The following TRIM44 variants were observed in gnomAD, a reference collection of about 807,000 sequenced individuals.
TRIM44 encodes tripartite motif-containing protein 44.
A neutral mutation model predicts 37.4 loss-of-function variants in TRIM44; 13 were observed. The ratio of observed to expected loss-of-function variants is 0.35; its 90% confidence interval spans 0.23 to 0.55. The LOEUF is 0.55. Ranked by LOEUF, TRIM44 falls within the 20% of genes least tolerant of loss-of-function variation. TRIM44 has a pLI of 0.89. For missense variants in TRIM44, 426 were observed against 437.2 expected (o/e 0.97, Z 0.23); for synonymous variants, 175 against 157.2 (o/e 1.11, Z -0.85).
intron 4 of TRIM44, among the ~76,000 whole-genome samples, chr11:35,748,370 A>G (rs911983794): frequency 1.3e-5 from 2 of 152,338 alleles, no homozygotes; most frequent in East Asian, 3.9e-4. Flanking sequence ...CATCATAGCT[A>G]TTAGTCCATC....
At position 35,806,362 on chromosome 11, in the gene TRIM44, G is replaced by T. The variant is rs374372663; in HGVS notation, c.1012G>T (p.Ala338Ser). ...GGTTCTCCTTTTCCTTTGTAGTGGT[G>T]CCAGTGAAGAAGAGGACACATGAAG... ...AEGDEEGPSGASEEEDT is the reference protein window; with the variant it reads ...AEGDEEGPSGSSEEEDT The change falls in exon 5 of 5, where the codon GCC becomes TCC. Residue 338 changes from alanine (A) to serine (S), a missense_variant. Physicochemically the swap from Ala to Ser is moderately conservative, Grantham distance 99. Coordinates refer to ENST00000299413, the MANE Select transcript of TRIM44 (RefSeq NM_017583.6). 8.1e-6 allele frequency: 13 copies of T among 1,613,522 alleles called. No homozygotes were observed. Among genetic ancestry groups the T allele is most frequent in the African/African-American group, 1.3e-5 (1 of 74,878 alleles).
At chr11:35,727,361 T>A (rs993942188) in intron 3 of TRIM44, among the ~76,000 whole-genome samples, 2 of 152,138 alleles carry the variant, frequency 1.3e-5, no homozygotes, top group South Asian at 4.1e-4. Flanking sequence ...CTGGACGTCC[T>A]GCCTTGGCTT....
intron 4 of TRIM44, among the ~76,000 whole-genome samples, chr11:35,754,954 G>A (rs915227631): frequency 3.9e-5 from 6 of 152,112 alleles, no homozygotes; most frequent in Admixed American, 3.3e-4. Context: ...GAATAGTGCT[G>A]CAATAAACAT....
intron 2 of TRIM44, among the ~76,000 whole-genome samples, chr11:35,700,633 C>T (rs1851775446): frequency 6.6e-6 from 1 of 152,144 alleles, no homozygotes; most frequent in Non-Finnish European, 1.5e-5. Flanking sequence ...CCTAAACATC[C>T]CTCTCTTTAA....
intron 2 of TRIM44, among the ~76,000 whole-genome samples, chr11:35,689,917 GCTTTT>G (rs1851621714): frequency 1.3e-5 from 2 of 152,150 alleles, no homozygotes; most frequent in Admixed American, 1.3e-4. Flanking sequence ...TGTATTGATT[GCTTTT>G]CTTTCCCTCT....
chr11:35,779,308 G>C (rs1041523996), intron 4 of TRIM44, among the ~76,000 whole-genome samples: 1 of 152,190 alleles, frequency 6.6e-6, no homozygotes, highest in Non-Finnish European at 1.5e-5. Context: ...CGCAGTATTA[G>C]GGTGCAAGTG....
chr11:35,760,615 T>A (rs1361914049), intron 4 of TRIM44, among the ~76,000 whole-genome samples: 1 of 152,210 alleles, frequency 6.6e-6, no homozygotes, highest in Non-Finnish European at 1.5e-5. Flanking sequence ...CTGGAACTGT[T>A]CCTATTCGGC....
chr11:35,727,347 T>G (rs1407154490), intron 3 of TRIM44, among the ~76,000 whole-genome samples: 1 of 152,142 alleles, frequency 6.6e-6, no homozygotes, highest in Non-Finnish European at 1.5e-5. Context: ...AAGTCCATCC[T>G]TAACTGGACG....
intron 2 of TRIM44, among the ~76,000 whole-genome samples, chr11:35,696,424 G>C (rs148901404): frequency 0.014 from 2,072 of 151,582 alleles, 114 homozygotes; most frequent in East Asian, 0.14. Context: ...ATACAGGCGT[G>C]AGCCGCCGCA....
chr11:35,717,371 A>G (rs1190270526), intron 2 of TRIM44, among the ~76,000 whole-genome samples: 1 of 152,124 alleles, frequency 6.6e-6, no homozygotes, highest in Non-Finnish European at 1.5e-5. Flanking sequence ...AAAAAAGGGT[A>G]GCAAGTGTTT....
intron 4 of TRIM44, among the ~76,000 whole-genome samples, chr11:35,761,142 A>AC (rs1852719712): frequency 2.0e-5 from 3 of 152,170 alleles, no homozygotes; most frequent in Non-Finnish European, 4.4e-5. Flanking sequence ...TTTTATGGCC[A>AC]ACTAGTATTC....
intron 4 of TRIM44, among the ~76,000 whole-genome samples, chr11:35,802,346 T>C (rs1853382211): frequency 6.6e-6 from 1 of 152,194 alleles, no homozygotes; most frequent in African/African-American, 2.4e-5. Context: ...ATAGGACTCC[T>C]CTAAGGGAGA....
intron 4 of TRIM44, among the ~76,000 whole-genome samples, chr11:35,763,033 C>T (rs1420161545): frequency 6.6e-6 from 1 of 152,110 alleles, no homozygotes; most frequent in African/African-American, 2.4e-5. Context: ...ATCTCAGTGG[C>T]AATAACGACA....
chr11:35,714,360 A>C (rs1435109264), intron 2 of TRIM44, among the ~76,000 whole-genome samples: 1 of 152,296 alleles, frequency 6.6e-6, no homozygotes, highest in East Asian at 1.9e-4. Flanking sequence ...TTTTACAAAG[A>C]AACTTTTTAT....
intron 2 of TRIM44, among the ~76,000 whole-genome samples, chr11:35,687,034 C>T (rs1425987328): frequency 6.6e-6 from 1 of 152,150 alleles, no homozygotes; most frequent in Non-Finnish European, 1.5e-5. Context: ...GATAAGAACA[C>T]TGAGGTTTAG....
chr11:35,722,929 C>T (rs1047671622), intron 2 of TRIM44, among the ~76,000 whole-genome samples: 3 of 152,100 alleles, frequency 2.0e-5, no homozygotes, highest in African/African-American at 7.2e-5. Flanking sequence ...GCTTCCTGCT[C>T]CTAACCCTGA....
intron 4 of TRIM44, among the ~76,000 whole-genome samples, chr11:35,794,512 C>A (rs1853256300): frequency 6.6e-6 from 1 of 152,200 alleles, no homozygotes; most frequent in African/African-American, 2.4e-5. Flanking sequence ...TGTCCATGGG[C>A]CACGCCATCC....
intron 4 of TRIM44, among the ~76,000 whole-genome samples, chr11:35,737,290 CTATTAAAGATTTTTAAACAGGAAT>C (rs1852338381): frequency 6.6e-6 from 1 of 152,080 alleles, no homozygotes; most frequent in South Asian, 2.1e-4. Context: ...CAATGGGAAG[CTATTAAAGATTTTTAAACAGGAAT>C]TAACCTGAAC....
At chr11:35,805,895 T>C (rs1853441114) in intron 4 of TRIM44, among the ~76,000 whole-genome samples, 1 of 152,194 alleles carries the variant, frequency 6.6e-6, no homozygotes, top group Non-Finnish European at 1.5e-5. Flanking sequence ...GGATTTTTTT[T>C]CCAAGTGCAG....
Sources: allele counts gnomAD v4.1 joint callset (sites outside exome capture counted in the v4.1 genomes callset), GRCh38; gene constraint gnomAD v4.1.1; transcripts MANE v1.5; gene names NCBI Gene and HGNC (gene_info 2026-07-23, HGNC 2026-07-21).